CNTNAP5: variants seen among roughly 807,000 people sequenced by gnomAD.
CNTNAP5 encodes contactin associated protein family member 5.
Under a neutral mutation model 150.2 loss-of-function variants are expected in CNTNAP5, and 72 were observed. The observed-to-expected ratio is 0.48, with a 90% confidence interval of 0.40 to 0.58. CNTNAP5 has a LOEUF of 0.58. CNTNAP5 is among the 20% of genes least tolerant of loss of function. The pLI, the probability that CNTNAP5 is intolerant of heterozygous loss-of-function variation, is 0.00. For synonymous variants in CNTNAP5, 672 were observed against 619.8 expected (o/e 1.08, Z -1.25); for missense variants, 1,636 against 1,626.2 (o/e 1.01, Z -0.10).
chr2:124,625,895 A>C (rs373706358), intron 12 of CNTNAP5, among the ~76,000 whole-genome samples: 2 of 152,282 alleles, frequency 1.3e-5, no homozygotes, highest in East Asian at 3.9e-4. Context: ...TCGTACAACT[A>C]TCCTGTAGCA....
chr2:124,105,548 A>G (rs1290094811), intron 1 of CNTNAP5, among the ~76,000 whole-genome samples: 1 of 152,198 alleles, frequency 6.6e-6, no homozygotes, highest in Non-Finnish European at 1.5e-5. Context: ...AATAAAAAAC[A>G]ATATCTTGGA....
chr2:124,682,888 A>G (rs1471347588), intron 13 of CNTNAP5, among the ~76,000 whole-genome samples: 1 of 152,190 alleles, frequency 6.6e-6, no homozygotes, highest in Non-Finnish European at 1.5e-5. Context: ...GATACAAGCA[A>G]TCTAGGAACT....
At chr2:124,556,580 T>C (rs1371426344) in intron 10 of CNTNAP5, among the ~76,000 whole-genome samples, 1 of 152,162 alleles carries the variant, frequency 6.6e-6, no homozygotes, top group African/African-American at 2.4e-5. Flanking sequence ...GAACGGAAGC[T>C]GGAAGACCAG....
chr2:124,388,512 A>T (rs1012054739), intron 3 of CNTNAP5, among the ~76,000 whole-genome samples: 2 of 152,166 alleles, frequency 1.3e-5, no homozygotes, highest in Non-Finnish European at 2.9e-5. Context: ...TTATGCATCA[A>T]TTCCCTGGGA....
chr2:124,279,486 C>T (rs1009077375), intron 3 of CNTNAP5, among the ~76,000 whole-genome samples: 1 of 151,774 alleles, frequency 6.6e-6, no homozygotes, highest in Admixed American at 6.6e-5. Context: ...ACTATATGTA[C>T]CAGACTCTGT....
At chr2:124,305,591 T>G (rs1688668890) in intron 3 of CNTNAP5, among the ~76,000 whole-genome samples, 1 of 152,192 alleles carries the variant, frequency 6.6e-6, no homozygotes, top group Admixed American at 6.5e-5. Flanking sequence ...AGTGCAACAG[T>G]GTTGAAAAGA....
chr2:124,284,496 C>A (rs981547008), intron 3 of CNTNAP5, among the ~76,000 whole-genome samples: 3 of 152,064 alleles, frequency 2.0e-5, no homozygotes, highest in African/African-American at 7.2e-5. Context: ...GGATAAATAG[C>A]TAATGCGTGT....
At chr2:124,431,068 A>C (rs1244293210) in intron 4 of CNTNAP5, among the ~76,000 whole-genome samples, 1 of 152,188 alleles carries the variant, frequency 6.6e-6, no homozygotes, top group Non-Finnish European at 1.5e-5. Context: ...ACCTGCCCCC[A>C]GGTAGTAAGG....
At chr2:124,098,392 G>T (rs1029562273) in intron 1 of CNTNAP5, among the ~76,000 whole-genome samples, 2 of 152,158 alleles carry the variant, frequency 1.3e-5, no homozygotes, top group African/African-American at 4.8e-5. Flanking sequence ...CTGGGTATAA[G>T]TAGATCCATG....
intron 11 of CNTNAP5, among the ~76,000 whole-genome samples, chr2:124,563,904 C>T (rs943108007): frequency 5.3e-5 from 8 of 152,220 alleles, no homozygotes; most frequent in African/African-American, 1.9e-4. Flanking sequence ...ACATTACTTC[C>T]ACTCACATTC....
At chr2:124,741,743 A>C (rs1195280973) in intron 13 of CNTNAP5, among the ~76,000 whole-genome samples, 1 of 152,080 alleles carries the variant, frequency 6.6e-6, no homozygotes, top group Non-Finnish European at 1.5e-5. Flanking sequence ...CAAGTATAGG[A>C]GTCTATATAG....
At chr2:124,418,793 C>T (rs1691997123) in intron 4 of CNTNAP5, among the ~76,000 whole-genome samples, 2 of 152,166 alleles carry the variant, frequency 1.3e-5, no homozygotes, top group Admixed American at 6.5e-5. Context: ...TCAAGCTCCT[C>T]TTGTCACCTC....
chr2:124,741,454 C>G (rs766803139), intron 13 of CNTNAP5, among the ~76,000 whole-genome samples: 1 of 152,174 alleles, frequency 6.6e-6, no homozygotes, highest in African/African-American at 2.4e-5. Context: ...GAATTATGTT[C>G]AACAGCTCCC....
chr2:124,031,104 C>CG (rs58734758), intron 1 of CNTNAP5, among the ~76,000 whole-genome samples: 151,490 of 152,060 alleles, frequency 1, 75,462 homozygotes, highest in Middle Eastern at 1. Context: ...TACCCTTTTT[C>CG]TTTGTTATCT....
intron 3 of CNTNAP5, among the ~76,000 whole-genome samples, chr2:124,336,650 T>A (rs558187841): frequency 6.6e-6 from 1 of 151,442 alleles, no homozygotes; most frequent in South Asian, 2.1e-4. Flanking sequence ...TTGCGATAGT[T>A]TGCTGAGAAT....
chr2:124,856,452 C>T (rs1219537689), intron 19 of CNTNAP5, among the ~76,000 whole-genome samples: 1 of 152,168 alleles, frequency 6.6e-6, no homozygotes, highest in Non-Finnish European at 1.5e-5. Flanking sequence ...TACATTCCCA[C>T]CAGCATTGTA....
chr2:124,785,551 G>A (rs1325379960), intron 17 of CNTNAP5, among the ~76,000 whole-genome samples: 3 of 152,210 alleles, frequency 2.0e-5, no homozygotes, highest in Non-Finnish European at 2.9e-5. Context: ...AGTGCATGGG[G>A]ATGGATAACA....
chr2:124,301,618 T>G (rs114509217), intron 3 of CNTNAP5, among the ~76,000 whole-genome samples: 5 of 152,340 alleles, frequency 3.3e-5, no homozygotes, highest in African/African-American at 1.2e-4. Context: ...CCATTCACTG[T>G]GTACTTCCTA....
chr2:124,261,240 T>C (rs1025900889), intron 3 of CNTNAP5, among the ~76,000 whole-genome samples: 4 of 152,292 alleles, frequency 2.6e-5, no homozygotes, highest in Non-Finnish European at 5.9e-5. Context: ...CTCATTTAAA[T>C]ATAGAGATAT....
Sources: gnomAD v4.1 joint callset for allele counts (sites outside exome capture counted in the v4.1 genomes callset) on GRCh38, gnomAD v4.1.1 for gene constraint, MANE v1.5 for transcripts, NCBI Gene and HGNC (gene_info 2026-07-23, HGNC 2026-07-21) for gene names.